Variants in CHD5 observed in about 807,000 individuals in gnomAD.
CHD5 encodes the protein chromodomain helicase DNA binding protein 5, also known as ATP-dependent chromatin remodeler CHD5.
In CHD5, 69 loss-of-function variants were observed where a neutral mutation model predicts 230.3. The observed-to-expected ratio is 0.30, with a 90% confidence interval of 0.25 to 0.37. The LOEUF is 0.37. Ranked by LOEUF, CHD5 falls within the 10% of genes least tolerant of loss-of-function variation. The pLI is 1.00. For synonymous variants in CHD5, 1,064 were observed against 1,065.9 expected, an observed-to-expected ratio of 1.00 and a Z score of 0.03; for missense variants, 1,827 against 2,622.8, an observed-to-expected ratio of 0.70 and a Z score of 6.63.
intron 2 of CHD5, among the ~76,000 whole-genome samples, chr1:6,166,698 C>T (rs1023286320): frequency 7.0e-6 from 1 of 142,228 alleles, no homozygotes; most frequent in Admixed American, 6.8e-5. Flanking sequence ...TCCAAGTACC[C>T]GAACAAGCCG....
chr1:6,150,581 A>G (rs897217143), intron 7 of CHD5, among the ~76,000 whole-genome samples: 1 of 151,398 alleles, frequency 6.6e-6, no homozygotes, highest in African/African-American at 2.4e-5. Flanking sequence ...ATGATGGATG[A>G]ATGGCTGGAT....
intron 9 of CHD5, among the ~76,000 whole-genome samples, chr1:6,147,277 G>A (rs572030991): frequency 2.0e-5 from 3 of 152,254 alleles, no homozygotes; most frequent in Admixed American, 6.5e-5. Flanking sequence ...CTGAAAAGAG[G>A]TCACATCACT....
In CHD5 at chr1:6,130,440, G is replaced by A. The variant is rs1666636758; in HGVS notation, c.3263-112C>T. 2.9e-6 allele frequency: 3 copies of A among 1,029,502 alleles called. No homozygotes were observed. Among genetic ancestry groups the A allele is most frequent in the Admixed American group, 2.2e-5 (1 of 44,568 alleles). The allele number at this position is 1,029,502 out of a possible 1,614,324, so 63.8% of individuals were successfully genotyped here. ...GAACTGCAGCAACAGATCCCTGGCAGAGAAGGACAAAGCCGGAGACCCCAT... is the reference window on the plus strand; with the variant it reads ...GAACTGCAGCAACAGATCCCTGGCAAAGAAGGACAAAGCCGGAGACCCCAT... On this transcript the variant is annotated intron_variant, in intron 21 of 41. Transcript: ENST00000262450. The surrounding 1 kb of genome is among the most constrained non-coding windows in gnomAD (Gnocchi z 4.9).
At chr1:6,122,113 G>A (rs1347092201) in intron 31 of CHD5, among the ~76,000 whole-genome samples, 1 of 152,232 alleles carries the variant, frequency 6.6e-6, no homozygotes, top group East Asian at 1.9e-4. Flanking sequence ...CCAAAGCCAA[G>A]AAGCAAACCA....
chr1:6,119,702 T>A (rs1177207814), intron 33 of CHD5, among the ~76,000 whole-genome samples: 1 of 151,718 alleles, frequency 6.6e-6, no homozygotes, highest in Non-Finnish European at 1.5e-5. Context: ...AATGCGCATA[T>A]ATATATACGT....
intron 31 of CHD5, among the ~76,000 whole-genome samples, chr1:6,123,177 AC>A (rs1289260163): frequency 6.6e-6 from 1 of 152,090 alleles, no homozygotes; most frequent in African/African-American, 2.4e-5. Flanking sequence ...TGAACCTGGA[AC>A]CCCCAGGCTG....
Position 6,125,991 on chromosome 1 carries a change from T to C in CHD5, c.4079-133A>G. On this transcript the variant is annotated intron_variant, in intron 26 of 41. Coordinates refer to ENST00000262450, the MANE Select transcript of CHD5 (RefSeq NM_015557.3). The surrounding 1 kb of genome is among the most constrained non-coding windows in gnomAD (Gnocchi z 6.7). ...AAAAAAGCAGTGACAATGGCCCACA[T>C]ACTTCCTGTGGGCTCATTTAGTAAT... 1 of 680,410 alleles carries C rather than the reference T, an allele frequency of 1.5e-6. No homozygotes were observed. Among genetic ancestry groups the C allele is most frequent in the Non-Finnish European group, 2.6e-6 (1 of 381,822 alleles). 42.1% of individuals were successfully genotyped at this position (680,410 alleles called of 1,614,324 possible).
intron 9 of CHD5, 116 bp downstream of exon 9, chr1:6,148,738 C>G: frequency 1.4e-6 from 1 of 715,400 alleles, no homozygotes; most frequent in Non-Finnish European, 2.0e-6. Context: ...GCTACCGAGG[C>G]GGGGCAGGAG....
chr1:6,128,329 G>T lies in CHD5; in HGVS notation c.3731-111C>A. ...CTTCCCATCCCCAGCAGGGGCTGCA[G>T]CTGAGAGGCATGGTGACCAGACAGA... is the stretch of plus-strand genomic sequence containing the variant. On this transcript the variant is annotated intron_variant, in intron 24 of 41. Transcript: ENST00000262450. The surrounding 1 kb of genome is among the most constrained non-coding windows in gnomAD (Gnocchi z 7.8). The T allele has an allele frequency of 3.3e-6, 4 of 1,208,488 alleles. No homozygotes were observed. Among genetic ancestry groups the T allele is most frequent in the Non-Finnish European group, 3.5e-6 (3 of 848,124 alleles). The allele number at this position is 1,208,488 out of a possible 1,614,324, so 74.9% of individuals were successfully genotyped here. A position where few individuals can be genotyped will look rare whatever the true frequency, so the allele number is the denominator to read the frequency against.
At position 6,143,940 on chromosome 1, in the gene CHD5, C is replaced by T. The variant is rs373100934; in HGVS notation, c.1935-9G>A. On this transcript the variant is annotated splice_polypyrimidine_tract_variant and intron_variant, in intron 12 of 41. Coordinates refer to ENST00000262450, the MANE Select transcript of CHD5 (RefSeq NM_015557.3). ...CTCCCAGCATCAGCTCCCTGGGAAA[C>T]GGCATTGGAGGCAGGTGAGCAAGGC... The T allele has an allele frequency of 2.0e-5, 33 of 1,613,966 alleles. No individual in the cohort carries two copies. The highest frequency in any genetic ancestry group is 1.2e-4 in the South Asian group (11 of 91,084).
At position 6,129,105 on chromosome 1, in the gene CHD5, C is replaced by T. The variant is rs1449802581; in HGVS notation, c.3388-36G>A. The T allele has an allele frequency of 1.4e-6, 2 of 1,453,244 alleles. No individual in the cohort carries two copies. Among genetic ancestry groups the T allele is most frequent in the Non-Finnish European group, 1.9e-6 (2 of 1,050,526 alleles). The allele number at this position is 1,453,244 out of a possible 1,614,324, so 90.0% of individuals were successfully genotyped here. A position where few individuals can be genotyped will look rare whatever the true frequency, so the allele number is the denominator to read the frequency against. On this transcript the variant is annotated intron_variant, in intron 22 of 41. Coordinates refer to ENST00000262450, the MANE Select transcript of CHD5 (RefSeq NM_015557.3). The surrounding 1 kb of genome is among the most constrained non-coding windows in gnomAD (Gnocchi z 6.8). ...CTGCACCTCAGCACCCGTGGCTCAC[C>T]CAGGGCTCCAGGCAATGGAGGAGAT...
chr1:6,128,265 C>A lies in CHD5; in HGVS notation c.3731-47G>T. The A allele has an allele frequency of 6.3e-7, 1 of 1,587,374 alleles. No homozygotes were observed. The highest frequency in any genetic ancestry group is 8.6e-7 in the Non-Finnish European group (1 of 1,161,190). ...TGTGAGGACAAAGACTGCCCTGGTCCAGCCCCGGGGTCCCAGGAACAGACT... is the reference window on the plus strand; with the variant it reads ...TGTGAGGACAAAGACTGCCCTGGTCAAGCCCCGGGGTCCCAGGAACAGACT... On this transcript the variant is annotated intron_variant, in intron 24 of 41. Coordinates refer to ENST00000262450, the MANE Select transcript of CHD5 (RefSeq NM_015557.3). The surrounding 1 kb of genome is among the most constrained non-coding windows in gnomAD (Gnocchi z 7.8).
intron 33 of CHD5, among the ~76,000 whole-genome samples, chr1:6,120,494 TAAAAATTAAA>T (rs1323123782): frequency 8.0e-6 from 1 of 124,298 alleles, no homozygotes; most frequent in African/African-American, 2.9e-5. Context: ...CAGTCTCTAC[TAAAAATTAAA>T]AAAAAAAAAA....
chr1:6,143,800 GCT>G, intron 13 of CHD5, 21 bp downstream of exon 13: 1 of 1,484,338 alleles, frequency 6.7e-7, no homozygotes, highest in Non-Finnish European at 9.4e-7. Context: ...CCCACCCACT[GCT>G]GCCCCACCCT....
chr1:6,153,942 G>C (rs11580263), intron 5 of CHD5, among the ~76,000 whole-genome samples: 40,892 of 151,964 alleles, frequency 0.27, 6,267 homozygotes, highest in East Asian at 0.66. Flanking sequence ...CCAGAAACCT[G>C]CACCCAGAAA....
At position 6,128,413 on chromosome 1, in the gene CHD5, G is replaced by T; in HGVS notation, c.3730+86C>A. On this transcript the variant is annotated intron_variant, in intron 24 of 41. Coordinates refer to ENST00000262450, the MANE Select transcript of CHD5 (RefSeq NM_015557.3). This position sits in a 1 kb window ranked among gnomAD's most constrained non-coding sequence, Gnocchi z 7.8. The stretch of plus-strand genomic sequence containing the variant: ...CACCTGGCAGTCCCAGGACGCCCAA[G>T]TGAGGGCAGGTCAGGGAACCCCTCC... 1.6e-6 allele frequency: 2 copies of T among 1,239,764 alleles called. No homozygotes were observed. Among genetic ancestry groups the T allele is most frequent in the Non-Finnish European group, 1.2e-6 (1 of 859,018 alleles). The allele number at this position is 1,239,764 out of a possible 1,614,324, so 76.8% of individuals were successfully genotyped here.
At chr1:6,137,072 A>G (rs1203719378) in intron 15 of CHD5, among the ~76,000 whole-genome samples, 1 of 127,712 alleles carries the variant, frequency 7.8e-6, no homozygotes, top group Non-Finnish European at 1.7e-5. Context: ...GCCCTGAGAG[A>G]GGGTGGTGTG....
chr1:6,136,133 G>A (rs1196227852), intron 17 of CHD5, among the ~76,000 whole-genome samples: 1 of 152,154 alleles, frequency 6.6e-6, no homozygotes, highest in Non-Finnish European at 1.5e-5. Context: ...AGGGGGATGG[G>A]GCGGTGGGCT....
At chr1:6,144,472 G>T (rs1377528187) in intron 11 of CHD5, among the ~76,000 whole-genome samples, 2 of 152,216 alleles carry the variant, frequency 1.3e-5, no homozygotes, top group Non-Finnish European at 2.9e-5. Flanking sequence ...ACAGGGTCTG[G>T]ATTTTCACAG....
Sources: gnomAD v4.1 joint callset for allele counts (sites outside exome capture counted in the v4.1 genomes callset) on GRCh38, gnomAD v4.1.1 for gene constraint, Gnocchi (gnomAD v3.1) non-coding constraint, MANE v1.5 for transcripts, NCBI Gene and HGNC (gene_info 2026-07-23, HGNC 2026-07-21) for gene names.